PARD3: variants seen among roughly 807,000 people sequenced by gnomAD.
PARD3 encodes partitioning defective 3 homolog.
PARD3 carries 75 observed loss-of-function variants against 155.4 expected under a neutral mutation model. The ratio of observed to expected loss-of-function variants is 0.48; its 90% CI spans 0.40 to 0.58. The LOEUF is 0.58. Ranked by LOEUF, PARD3 falls within the 20% of genes least tolerant of loss-of-function variation. The pLI is 0.00. For missense variants in PARD3, 1,642 were observed against 1,721.7 expected (o/e 0.95, Z 0.82); for synonymous variants, 576 against 610.5 (o/e 0.94, Z 0.83).
intron 12 of PARD3, among the ~76,000 whole-genome samples, chr10:34,361,548 T>C (rs1000085839): frequency 2.6e-5 from 4 of 152,142 alleles, no homozygotes; most frequent in African/African-American, 9.7e-5. Context: ...TCAAGGAAAT[T>C]TGGAATGCAA....
chr10:34,406,076 G>T (rs560944775), intron 5 of PARD3, among the ~76,000 whole-genome samples: 29 of 152,294 alleles, frequency 1.9e-4, no homozygotes, highest in African/African-American at 6.5e-4. Flanking sequence ...CCAAACTGCA[G>T]AGTTTAATCA....
chr10:34,513,659 T>A (rs2081537007), intron 3 of PARD3, among the ~76,000 whole-genome samples: 1 of 152,212 alleles, frequency 6.6e-6, no homozygotes, highest in South Asian at 2.1e-4. Flanking sequence ...AGTTTAAGAG[T>A]GTTATTCAGG....
At chr10:34,770,640 C>T (rs749803616) in intron 1 of PARD3, among the ~76,000 whole-genome samples, 3 of 152,200 alleles carry the variant, frequency 2.0e-5, no homozygotes, top group Admixed American at 6.5e-5. Flanking sequence ...GACTCACCTG[C>T]CACTTACAAG....
chr10:34,598,204 A>G (rs2089463532), intron 2 of PARD3, among the ~76,000 whole-genome samples: 1 of 152,208 alleles, frequency 6.6e-6, no homozygotes. Context: ...GCATGTTCTG[A>G]GGAACAAGGG....
chr10:34,303,896 A>C (rs76444165), intron 20 of PARD3, among the ~76,000 whole-genome samples: 8 of 152,306 alleles, frequency 5.3e-5, no homozygotes, highest in African/African-American at 1.9e-4. Context: ...AAAAGACCTC[A>C]TAATTGTTTT....
chr10:34,151,884 C>T (rs1948798135), intron 22 of PARD3, among the ~76,000 whole-genome samples: 1 of 152,106 alleles, frequency 6.6e-6, no homozygotes, highest in Admixed American at 6.6e-5. Flanking sequence ...TTGCAAGTAC[C>T]ACAAGACGGC....
chr10:34,424,535 G>C (rs928488486), intron 5 of PARD3, among the ~76,000 whole-genome samples: 2 of 151,484 alleles, frequency 1.3e-5, no homozygotes, highest in African/African-American at 4.8e-5. Flanking sequence ...TTTATTTTGA[G>C]ACAGAGTCTT....
chr10:34,724,295 A>G (rs1240905335), intron 1 of PARD3, among the ~76,000 whole-genome samples: 13 of 152,158 alleles, frequency 8.5e-5, no homozygotes, highest in Non-Finnish European at 1.8e-4. Flanking sequence ...TGCAACTAAA[A>G]TAGCCTTGCA....
At chr10:34,345,492 C>T in intron 15 of PARD3, 1 of 985,224 alleles carries the variant, frequency 1.0e-6, no homozygotes, top group Non-Finnish European at 1.2e-6. Context: ...TCAACCTCCA[C>T]TAATGTCTAC....
chr10:34,773,036 C>T (rs1839094638), intron 1 of PARD3, among the ~76,000 whole-genome samples: 1 of 152,132 alleles, frequency 6.6e-6, no homozygotes. Context: ...CCACACGGCA[C>T]ACCAAAAACA....
At chr10:34,173,435 A>G (rs929833575) in intron 22 of PARD3, among the ~76,000 whole-genome samples, 7 of 152,194 alleles carry the variant, frequency 4.6e-5, no homozygotes, top group Non-Finnish European at 8.8e-5. Context: ...AAAACATCCA[A>G]TGATCTGAGA....
Position 34,556,484 on chromosome 10 carries a change from G to A in PARD3, c.223-39325C>T, listed in dbSNP as rs546114346. Among the ~76,000 whole-genome samples, 509 of 151,246 alleles carry A rather than the reference G, an allele frequency of 3.4e-3. 1 individual carries two copies. The highest frequency in any genetic ancestry group is 5.4e-3 in the Non-Finnish European group (365 of 67,884). Reference sequence around the variant, plus strand: ...TGCAAGCTCCGCCTCCCAGGTTCACGCCATTCTCTCGCCTCAGCCTCCAGA... The same window carrying A: ...TGCAAGCTCCGCCTCCCAGGTTCACACCATTCTCTCGCCTCAGCCTCCAGA... On this transcript the variant is annotated intron_variant, in intron 2 of 24. Coordinates refer to ENST00000374788, the MANE Select transcript of PARD3 (RefSeq NM_001184785.2).
chr10:34,454,034 T>C (rs935426421), intron 4 of PARD3, among the ~76,000 whole-genome samples: 2 of 152,236 alleles, frequency 1.3e-5, no homozygotes, highest in Non-Finnish European at 2.9e-5. Flanking sequence ...TTATGTATAA[T>C]GTATGAAAAG....
chr10:34,725,099 A>T (rs931824820), intron 1 of PARD3, among the ~76,000 whole-genome samples: 1 of 144,548 alleles, frequency 6.9e-6, no homozygotes, highest in African/African-American at 2.6e-5. Flanking sequence ...TGAATGAGTC[A>T]AAACTTTGTG....
intron 14 of PARD3, among the ~76,000 whole-genome samples, chr10:34,354,959 G>C (rs1250711447): frequency 6.6e-6 from 1 of 152,220 alleles, no homozygotes; most frequent in Non-Finnish European, 1.5e-5. Flanking sequence ...AAACCCTCAG[G>C]GAGCTGCAGC....
intron 7 of PARD3, among the ~76,000 whole-genome samples, chr10:34,396,514 C>T (rs1335101623): frequency 6.6e-6 from 1 of 152,084 alleles, no homozygotes; most frequent in Non-Finnish European, 1.5e-5. Context: ...GGGTTGTGTT[C>T]CTTCTCTTCA....
At chr10:34,752,410 C>A (rs1019139416) in intron 1 of PARD3, among the ~76,000 whole-genome samples, 2 of 152,104 alleles carry the variant, frequency 1.3e-5, no homozygotes, top group Non-Finnish European at 2.9e-5. Context: ...GCAGACATCA[C>A]TACCAATTTG....
intron 22 of PARD3, among the ~76,000 whole-genome samples, chr10:34,206,666 C>T (rs1051437671): frequency 6.6e-6 from 1 of 152,206 alleles, no homozygotes; most frequent in African/African-American, 2.4e-5. Context: ...ATGTTTATAT[C>T]CACTTTTAAC....
chr10:34,741,601 A>G (rs1167892407), intron 1 of PARD3, among the ~76,000 whole-genome samples: 1 of 152,188 alleles, frequency 6.6e-6, no homozygotes, highest in Non-Finnish European at 1.5e-5. Context: ...TGTGCAGAGG[A>G]GCGCAGCCAT....
Sources: allele counts gnomAD v4.1 joint callset (sites outside exome capture counted in the v4.1 genomes callset), GRCh38; gene constraint gnomAD v4.1.1; transcripts MANE v1.5; gene names NCBI Gene and HGNC (gene_info 2026-07-23, HGNC 2026-07-21).